The following PTPN20 variants were observed in gnomAD, a reference collection of about 807,000 sequenced individuals.
PTPN20 encodes the protein tyrosine-protein phosphatase non-receptor type 20.
PTPN20 carries 9 observed loss-of-function variants against 35.0 expected under a neutral mutation model. The observed-to-expected ratio is 0.26, with a 90% CI of 0.15 to 0.45. The LOEUF (loss-of-function observed/expected upper bound fraction) is 0.45, where lower values mean the gene tolerates loss of function less well. Ranked by LOEUF, PTPN20 falls within the 20% of genes least tolerant of loss-of-function variation. PTPN20 has a pLI of 1.00. For missense variants in PTPN20, 111 were observed against 312.5 expected (o/e 0.36, Z 4.86); for synonymous variants, 32 against 100.2 (o/e 0.32, Z 4.06).
intron 8 of PTPN20, among the ~76,000 whole-genome samples, chr10:46,986,437 C>T (rs1488641638): frequency 3.4e-5 from 5 of 148,598 alleles, no homozygotes; most frequent in Non-Finnish European, 5.9e-5. Flanking sequence ...GAGGTGCATT[C>T]GGGAGAAGCA....
At position 47,002,212 on chromosome 10, in the gene PTPN20, G is replaced by A. The variant is rs928906698; in HGVS notation, c.*1471G>A. 16 of 152,284 alleles carry A rather than the reference G, an allele frequency of 1.1e-4. No homozygotes were observed. The highest frequency in any genetic ancestry group is 3.9e-4 in the African/African-American group (16 of 41,492). 9.4% of individuals were successfully genotyped at this position (152,284 alleles called of 1,614,324 possible). The stretch of plus-strand genomic sequence containing the variant: ...TTTTGATAATTGGCCTTTAATATTT[G>A]TATCTCTAATTTTATTTTCTCTCTG... On this transcript the variant is annotated 3_prime_UTR_variant, in exon 11 of 11. Transcript: ENST00000374339.
chr10:46,940,175 A>C (rs1166967461), intron 2 of PTPN20, among the ~76,000 whole-genome samples: 1 of 148,716 alleles, frequency 6.7e-6, no homozygotes, highest in Admixed American at 6.8e-5. Flanking sequence ...GTATAATTTA[A>C]CATATTACTA....
rs1466681268 is a variant in PTPN20, at chr10:46,932,429, G to A, written c.-71G>A. On this transcript the variant is annotated 5_prime_UTR_variant, in exon 2 of 11. Transcript: ENST00000374339. Reference sequence around the variant, plus strand: ...AGGATACTAACTAGACCTTTGGCCTGACTCACAGGACACTAAGGCTCCTTT... The same window carrying A: ...AGGATACTAACTAGACCTTTGGCCTAACTCACAGGACACTAAGGCTCCTTT... 1 of 1,611,712 alleles carries A rather than the reference G, an allele frequency of 6.2e-7. No individual in the cohort carries two copies. Among genetic ancestry groups the A allele is most frequent in the Admixed American group, 1.7e-5 (1 of 59,962 alleles).
chr10:46,945,821 CAG>C (rs1347910883), intron 4 of PTPN20, among the ~76,000 whole-genome samples: 1 of 140,642 alleles, frequency 7.1e-6, no homozygotes, highest in African/African-American at 2.7e-5. Context: ...AGTAGCTAGA[CAG>C]AGTTTAAAGC....
At chr10:46,980,101 A>T (rs2054900212) in intron 7 of PTPN20, among the ~76,000 whole-genome samples, 1 of 145,904 alleles carries the variant, frequency 6.9e-6, no homozygotes, top group East Asian at 2.3e-4. Context: ...CTTCAGTGAA[A>T]TTTCTAGAGG....
At chr10:46,923,822 A>G (rs1555111076) in intron 1 of PTPN20, among the ~76,000 whole-genome samples, 1 of 151,506 alleles carries the variant, frequency 6.6e-6, no homozygotes, top group Non-Finnish European at 1.5e-5. Flanking sequence ...CTATACATGA[A>G]CATGAAATAT....
At chr10:46,940,441 G>C in intron 2 of PTPN20, 182 bp from the exon 3 acceptor site, 1 of 630,644 alleles carries the variant, frequency 1.6e-6, no homozygotes, top group East Asian at 2.9e-5. Flanking sequence ...TTGCTATGTT[G>C]ATTTTTTCAA....
intron 10 of PTPN20, 96 bp from the exon 11 acceptor site, chr10:47,000,580 T>G: frequency 6.9e-7 from 1 of 1,459,568 alleles, no homozygotes. Flanking sequence ...TTAGGAACTT[T>G]CCAGTGTGGC....
intron 1 of PTPN20, among the ~76,000 whole-genome samples, chr10:46,925,522 CTT>C (rs1271555570): frequency 0.11 from 15,327 of 133,876 alleles, 1,414 homozygotes; most frequent in African/African-American, 0.26. Context: ...GCTGCTTCCT[CTT>C]TTTTTTTTTT....
At chr10:46,954,411 A>C (rs1481034332) in intron 5 of PTPN20, among the ~76,000 whole-genome samples, 415 of 148,890 alleles carry the variant, frequency 2.8e-3, no homozygotes, top group Non-Finnish European at 4.5e-3. Flanking sequence ...TTCAGCCCAT[A>C]ACAATATTCA....
At chr10:46,993,215 C>G (rs917350471) in intron 9 of PTPN20, among the ~76,000 whole-genome samples, 3 of 152,194 alleles carry the variant, frequency 2.0e-5, no homozygotes, top group Non-Finnish European at 2.9e-5. Flanking sequence ...TGATCCCCTG[C>G]CAGGTCCATT....
At chr10:46,994,433 G>A (rs1276281915) in intron 9 of PTPN20, among the ~76,000 whole-genome samples, 3 of 142,206 alleles carry the variant, frequency 2.1e-5, no homozygotes, top group Admixed American at 1.5e-4. Context: ...CCAGGTTCAC[G>A]CCATTCTCCT....
rs1464309727 is a variant in PTPN20 at position 46,923,447 on chromosome 10, A to G, written c.-123-8930A>G. ...TTGTGAAAGGTGTAAGGTCTGTTCC[A>G]TTATCATTTTTTGAAAAAGAATATT... is the stretch of plus-strand genomic sequence containing the variant. On this transcript the variant is annotated intron_variant, in intron 1 of 10. Coordinates refer to ENST00000374339, the MANE Select transcript of PTPN20 (RefSeq NM_001042357.5). Among the ~76,000 whole-genome samples the G allele has an allele frequency of 6.2e-5, 9 of 144,448 alleles. 1 individual carries two copies. Among genetic ancestry groups the G allele is most frequent in the Admixed American group, 2.0e-4 (3 of 14,858 alleles). 94.8% of individuals were successfully genotyped at this position (144,448 alleles called of 152,430 possible).
intron 7 of PTPN20, among the ~76,000 whole-genome samples, 183 bp from the exon 8 acceptor site, chr10:46,984,047 A>AT (rs1281969791): frequency 2.5e-4 from 38 of 152,160 alleles, no homozygotes; most frequent in Admixed American, 3.9e-4. Flanking sequence ...GGTCATGCCA[A>AT]TAGTTTTCAG....
intron 5 of PTPN20, among the ~76,000 whole-genome samples, chr10:46,951,238 C>T (rs1281866266): frequency 2.0e-5 from 3 of 152,094 alleles, no homozygotes; most frequent in Non-Finnish European, 4.4e-5. Context: ...TGTGATCCAC[C>T]CGTCTTGGTC....
intron 9 of PTPN20, among the ~76,000 whole-genome samples, chr10:46,994,101 C>A (rs1589975344): frequency 1.3e-5 from 2 of 150,206 alleles, no homozygotes; most frequent in Non-Finnish European, 3.0e-5. Context: ...TTTTTTTTTT[C>A]TTTCAACACT....
Position 47,000,873 on chromosome 10 carries a change from C to G in PTPN20, c.*132C>G. The G allele has an allele frequency of 8.3e-7, 1 of 1,207,110 alleles. No individual in the cohort carries two copies. 74.8% of individuals were successfully genotyped at this position (1,207,110 alleles called of 1,614,324 possible). A position where few individuals can be genotyped will look rare whatever the true frequency, so the allele number is the denominator to read the frequency against. On this transcript the variant is annotated 3_prime_UTR_variant, in exon 11 of 11. Transcript: ENST00000374339. Reference sequence around the variant, plus strand: ...CTTTCTTGGTTTATCAGTTTATTTTCTTTCTAAAAGCTCCCTGAAGGGCAA... The same window carrying G: ...CTTTCTTGGTTTATCAGTTTATTTTGTTTCTAAAAGCTCCCTGAAGGGCAA...
At chr10:46,985,612 C>CTGAA (rs1201861216) in intron 8 of PTPN20, among the ~76,000 whole-genome samples, 1 of 75,666 alleles carries the variant, frequency 1.3e-5, no homozygotes, top group African/African-American at 5.6e-5. Context: ...AAGACATTTG[C>CTGAA]TTCAGTATAG....
chr10:46,945,301 A>C (rs1417930768), intron 4 of PTPN20, among the ~76,000 whole-genome samples: 2 of 152,052 alleles, frequency 1.3e-5, no homozygotes, highest in African/African-American at 4.8e-5. Flanking sequence ...CTATTTATCC[A>C]TCCAGAAGGA....
Sources: allele counts gnomAD v4.1 joint callset (sites outside exome capture counted in the v4.1 genomes callset), GRCh38; gene constraint gnomAD v4.1.1; transcripts MANE v1.5; gene names NCBI Gene and HGNC (gene_info 2026-07-23, HGNC 2026-07-21).